Variants in ARHGEF3 observed in about 807,000 individuals in gnomAD.
The protein encoded by ARHGEF3 is Rho guanine nucleotide exchange factor 3, also known as 59.8 kDA protein.
Under a neutral mutation model 63.2 loss-of-function variants are expected in ARHGEF3, and 28 were observed. The ratio of observed to expected loss-of-function variants is 0.44; its 90% CI spans 0.33 to 0.61. ARHGEF3 has a LOEUF of 0.61. Ranked by LOEUF, ARHGEF3 falls within the 20% of genes least tolerant of loss-of-function variation. The probability of loss-of-function intolerance (pLI) is 0.03; values close to 1 mark genes in which losing one functional copy is unlikely to be tolerated. For missense variants in ARHGEF3, 533 were observed against 659.3 expected (o/e 0.81, Z 2.10); for synonymous variants, 266 against 254.2 (o/e 1.05, Z -0.44).
At chr3:56,872,254 C>A (rs997965482) in intron 4 of ARHGEF3, among the ~76,000 whole-genome samples, 1 of 152,142 alleles carries the variant, frequency 6.6e-6, no homozygotes, top group Non-Finnish European at 1.5e-5. Flanking sequence ...ATCTCCTCAT[C>A]CCCACAATTC....
chr3:56,778,609 G>A (rs1035199198), intron 1 of ARHGEF3, among the ~76,000 whole-genome samples: 5 of 152,050 alleles, frequency 3.3e-5, no homozygotes, highest in African/African-American at 1.2e-4. Flanking sequence ...CACGACTCAC[G>A]GCAGCCTCAA....
intron 1 of ARHGEF3, among the ~76,000 whole-genome samples, chr3:57,068,823 G>A (rs184926644): frequency 7.3e-5 from 11 of 151,294 alleles, no homozygotes; most frequent in Non-Finnish European, 1.6e-4. Flanking sequence ...GCACACACAC[G>A]CACACACCCC....
At chr3:56,903,672 T>G (rs2041596185) in intron 3 of ARHGEF3, among the ~76,000 whole-genome samples, 1 of 152,206 alleles carries the variant, frequency 6.6e-6, no homozygotes, top group Non-Finnish European at 1.5e-5. Flanking sequence ...TTTGGATAGC[T>G]GCATTTGTTT....
At chr3:56,823,884 T>C (rs995909848) in intron 4 of ARHGEF3, among the ~76,000 whole-genome samples, 1 of 148,476 alleles carries the variant, frequency 6.7e-6, no homozygotes, top group Non-Finnish European at 1.5e-5. Context: ...GTCACCAAGA[T>C]AACAGCTTAA....
At chr3:56,884,729 T>C (rs948419945) in intron 3 of ARHGEF3, among the ~76,000 whole-genome samples, 3 of 152,230 alleles carry the variant, frequency 2.0e-5, no homozygotes, top group Non-Finnish European at 4.4e-5. Flanking sequence ...TGAGGATGCT[T>C]CACGTTTGTA....
rs566796491 is a variant in ARHGEF3, at chr3:56,912,577, T to G, written c.130-30223A>C. Among the ~76,000 whole-genome samples the G allele has an allele frequency of 5.9e-5, 9 of 152,368 alleles. No individual in the cohort carries two copies. The East Asian group carries it at 1.5e-3, about 26-fold the overall frequency. On this transcript the variant is annotated intron_variant, in intron 3 of 12. Transcript: ENST00000338458. ...GCCATCTGCAAAACAAGAATAATGA[T>G]AGTAGCCAATCCCTACAGTGTTGTA...
chr3:57,017,005 G>GTCTGTCTCTCTCTCTCTC (rs1553806935), intron 2 of ARHGEF3, among the ~76,000 whole-genome samples: 1 of 129,058 alleles, frequency 7.7e-6, no homozygotes, highest in African/African-American at 3.3e-5. Flanking sequence ...CTTTCTCTCT[G>GTCTGTCTCTCTCTCTCTC]TCTCTCTCTC....
chr3:56,811,468 T>G (rs1559960867), intron 4 of ARHGEF3, among the ~76,000 whole-genome samples: 2 of 152,146 alleles, frequency 1.3e-5, no homozygotes, highest in Admixed American at 1.3e-4. Flanking sequence ...CTGGCAAATA[T>G]GTGTCTCATC....
intron 1 of ARHGEF3, among the ~76,000 whole-genome samples, chr3:57,050,009 C>T (rs555947518): frequency 1.2e-4 from 19 of 152,290 alleles, no homozygotes; most frequent in Non-Finnish European, 2.5e-4. Context: ...AGCCCCTCTC[C>T]TCCTGAGGCT....
chr3:56,951,060 A>G (rs1266644792), intron 3 of ARHGEF3, among the ~76,000 whole-genome samples: 2 of 151,762 alleles, frequency 1.3e-5, no homozygotes, highest in South Asian at 2.1e-4. Flanking sequence ...GTTCTCACTC[A>G]TAGGTGGGAA....
upstream of ARHGEF3, among the ~76,000 whole-genome samples, chr3:56,803,746 G>A (rs1012183835): frequency 1.3e-5 from 2 of 152,160 alleles, no homozygotes; most frequent in African/African-American, 2.4e-5. Context: ...AGGCTGTGGT[G>A]AGCTATGGTT....
intron 2 of ARHGEF3, among the ~76,000 whole-genome samples, chr3:57,001,585 C>T (rs1256912328): frequency 2.6e-5 from 4 of 152,200 alleles, no homozygotes; most frequent in Admixed American, 2.0e-4. Context: ...AATATGTAAA[C>T]AGAAATCTGC....
intron 3 of ARHGEF3, among the ~76,000 whole-genome samples, chr3:56,925,971 A>T (rs1301530729): frequency 6.6e-6 from 1 of 152,222 alleles, no homozygotes; most frequent in Non-Finnish European, 1.5e-5. Context: ...GTTCAACAGA[A>T]ATGTGCCCAG....
chr3:56,942,226 C>A (rs1474258856), intron 3 of ARHGEF3, among the ~76,000 whole-genome samples: 1 of 152,236 alleles, frequency 6.6e-6, no homozygotes, highest in Admixed American at 6.5e-5. Context: ...GCAGGTGCCA[C>A]AAACTGAAGG....
At chr3:56,919,069 C>T (rs2042058590) in intron 3 of ARHGEF3, among the ~76,000 whole-genome samples, 1 of 152,112 alleles carries the variant, frequency 6.6e-6, no homozygotes, top group South Asian at 2.1e-4. Context: ...AAGAAAAGGC[C>T]AGGTGGGCAC....
chr3:56,943,579 A>C (rs138031086), intron 3 of ARHGEF3, among the ~76,000 whole-genome samples: 221 of 152,280 alleles, frequency 1.5e-3, no homozygotes, highest in African/African-American at 5.2e-3. Flanking sequence ...CAGCCCATGG[A>C]CAGAGGAGTC....
In ARHGEF3 at chr3:56,901,825, T is replaced by C. The variant is rs77499937; in HGVS notation, c.130-19471A>G. Among the ~76,000 whole-genome samples the C allele has an allele frequency of 0.017, 2,537 of 152,272 alleles. 122 individuals carry two copies. In the East Asian group the frequency reaches 0.17, roughly 10 times the overall value. ...GGCATGGCTGCAATATTTTTGTCAA[T>C]ACATAACCTTGTTTTATGTGTATTT... On this transcript the variant is annotated intron_variant, in intron 3 of 12. Transcript: ENST00000338458.
chr3:57,026,151 G>A (rs541250962), intron 2 of ARHGEF3, among the ~76,000 whole-genome samples: 1 of 152,266 alleles, frequency 6.6e-6, no homozygotes, highest in African/African-American at 2.4e-5. Flanking sequence ...TATAATTCCA[G>A]CTCTTTAGGA....
intron 1 of ARHGEF3, among the ~76,000 whole-genome samples, chr3:56,784,844 TG>T (rs987799486): frequency 6.6e-6 from 1 of 152,172 alleles, no homozygotes; most frequent in Non-Finnish European, 1.5e-5. Flanking sequence ...CCTACGACCT[TG>T]GGCCCAAAAT....
Sources: allele counts gnomAD v4.1 joint callset (sites outside exome capture counted in the v4.1 genomes callset), GRCh38; gene constraint gnomAD v4.1.1; transcripts MANE v1.5; gene names NCBI Gene and HGNC (gene_info 2026-07-23, HGNC 2026-07-21).